NALF1: variants seen among roughly 807,000 people sequenced by gnomAD.
NALF1 encodes NALCN channel auxiliary factor 1.
Under a neutral mutation model 48.4 loss-of-function variants are expected in NALF1, and 3 were observed. That is an observed-to-expected ratio of 0.06 (90% CI 0.03 to 0.16). The LOEUF (loss-of-function observed/expected upper bound fraction) is 0.16, where lower values mean the gene tolerates loss of function less well. Ranked by LOEUF, NALF1 falls within the 10% of genes least tolerant of loss-of-function variation. NALF1 has a pLI of 1.00. For synonymous variants in NALF1, 262 were observed against 245.7 expected (o/e 1.07, Z -0.62); for missense variants, 526 against 571.5 (o/e 0.92, Z 0.81).
chr13:107,209,408 G>GA (rs1432394233), intron 2 of NALF1, among the ~76,000 whole-genome samples: 1 of 151,938 alleles, frequency 6.6e-6, no homozygotes, highest in Non-Finnish European at 1.5e-5. Flanking sequence ...TCGGGAGGCT[G>GA]AGGCATGAGA....
intron 1 of NALF1, among the ~76,000 whole-genome samples, chr13:107,364,195 T>C (rs1249257400): frequency 6.6e-6 from 1 of 152,250 alleles, no homozygotes; most frequent in Non-Finnish European, 1.5e-5. Flanking sequence ...TTGAATAGCA[T>C]GTCCATTCAG....
chr13:107,346,572 C>T (rs1482373663), intron 1 of NALF1, among the ~76,000 whole-genome samples: 1 of 152,092 alleles, frequency 6.6e-6, no homozygotes, highest in East Asian at 1.9e-4. Flanking sequence ...ATGAAGTAAT[C>T]AAACTCATAG....
At chr13:107,297,151 T>C (rs1881742167) in intron 1 of NALF1, among the ~76,000 whole-genome samples, 1 of 152,144 alleles carries the variant, frequency 6.6e-6, no homozygotes, top group African/African-American at 2.4e-5. Flanking sequence ...ACAATTTTTA[T>C]TACAATATTC....
intron 1 of NALF1, among the ~76,000 whole-genome samples, chr13:107,650,863 G>T (rs564504585): frequency 6.6e-6 from 1 of 152,036 alleles, no homozygotes; most frequent in African/African-American, 2.4e-5. Flanking sequence ...GTAAGTGGGG[G>T]CTAAATGATA....
chr13:107,627,207 T>C (rs979994079), intron 1 of NALF1, among the ~76,000 whole-genome samples: 1 of 152,124 alleles, frequency 6.6e-6, no homozygotes, highest in African/African-American at 2.4e-5. Flanking sequence ...AAATATGTTA[T>C]GATTTCTCAC....
At chr13:107,631,270 T>C (rs1015636841) in intron 1 of NALF1, among the ~76,000 whole-genome samples, 6 of 152,180 alleles carry the variant, frequency 3.9e-5, no homozygotes, top group Admixed American at 1.3e-4. Context: ...CTTGCTATAC[T>C]GGAGACCTGG....
intron 1 of NALF1, among the ~76,000 whole-genome samples, chr13:107,392,919 A>G (rs567408597): frequency 8.5e-5 from 13 of 152,224 alleles, no homozygotes; most frequent in African/African-American, 3.1e-4. Context: ...ACAACCTGTT[A>G]TTCTGAGATT....
chr13:107,243,754 C>T (rs780412369), intron 1 of NALF1, among the ~76,000 whole-genome samples: 2 of 152,234 alleles, frequency 1.3e-5, no homozygotes, highest in Non-Finnish European at 1.5e-5. Context: ...GCAGGTCATG[C>T]TGCACATATG....
At chr13:107,387,571 T>A (rs1262955695) in intron 1 of NALF1, among the ~76,000 whole-genome samples, 1 of 152,082 alleles carries the variant, frequency 6.6e-6, no homozygotes, top group Non-Finnish European at 1.5e-5. Context: ...GTCACAAAAA[T>A]GAACCCCCAC....
At chr13:107,619,679 A>G (rs1192706129) in intron 1 of NALF1, among the ~76,000 whole-genome samples, 1 of 152,198 alleles carries the variant, frequency 6.6e-6, no homozygotes, top group Admixed American at 6.5e-5. Context: ...CAGACTATTC[A>G]AACTGGAGGT....
intron 1 of NALF1, among the ~76,000 whole-genome samples, chr13:107,554,089 A>G (rs576609314): frequency 6.6e-6 from 1 of 152,302 alleles, no homozygotes; most frequent in Admixed American, 6.5e-5. Context: ...ATGCAGCTGT[A>G]TGGGTAAGTG....
At chr13:107,847,949 C>T (rs565017913) in intron 1 of NALF1, among the ~76,000 whole-genome samples, 1 of 152,338 alleles carries the variant, frequency 6.6e-6, no homozygotes, top group East Asian at 1.9e-4. Flanking sequence ...GAACCTGCTT[C>T]ACTTTGATCT....
At chr13:107,305,609 A>G (rs1186175029) in intron 1 of NALF1, among the ~76,000 whole-genome samples, 1 of 152,208 alleles carries the variant, frequency 6.6e-6, no homozygotes, top group African/African-American at 2.4e-5. Context: ...TGAGTCCCAT[A>G]CAATGTCATG....
At chr13:107,562,122 G>C (rs1594130649) in intron 1 of NALF1, among the ~76,000 whole-genome samples, 1 of 152,062 alleles carries the variant, frequency 6.6e-6, no homozygotes, top group Non-Finnish European at 1.5e-5. Flanking sequence ...TTGACATCTT[G>C]GAAATGCAAA....
At chr13:107,209,498 CAA>C (rs61177208) in intron 2 of NALF1, among the ~76,000 whole-genome samples, 52 of 142,826 alleles carry the variant, frequency 3.6e-4, no homozygotes, top group African/African-American at 4.8e-4. Context: ...GACTCCATCT[CAA>C]AAAAAAAAAA....
At chr13:107,538,146 G>C (rs1410266747) in intron 1 of NALF1, among the ~76,000 whole-genome samples, 1 of 152,090 alleles carries the variant, frequency 6.6e-6, no homozygotes, top group South Asian at 2.1e-4. Flanking sequence ...TATGATTGAA[G>C]ACCACAATTG....
intron 1 of NALF1, among the ~76,000 whole-genome samples, chr13:107,504,456 C>T (rs117082822): frequency 8.9e-4 from 136 of 152,124 alleles, no homozygotes; most frequent in Admixed American, 5.1e-3. Context: ...CTATGCGAGA[C>T]GATAGATATG....
intron 1 of NALF1, among the ~76,000 whole-genome samples, chr13:107,754,784 C>A (rs1278120829): frequency 2.6e-5 from 4 of 152,142 alleles, no homozygotes; most frequent in Admixed American, 2.6e-4. Flanking sequence ...CTTCTAAATT[C>A]ACTTAAATAC....
At chr13:107,707,015 C>T (rs1427404900) in intron 1 of NALF1, among the ~76,000 whole-genome samples, 1 of 146,878 alleles carries the variant, frequency 6.8e-6, no homozygotes, top group Non-Finnish European at 1.5e-5. Flanking sequence ...CTCCGCCTCC[C>T]GGGTTCACGC....
Sources: gnomAD v4.1 joint callset for allele counts (sites outside exome capture counted in the v4.1 genomes callset) on GRCh38, gnomAD v4.1.1 for gene constraint, MANE v1.5 for transcripts, NCBI Gene and HGNC (gene_info 2026-07-23, HGNC 2026-07-21) for gene names.